The following HS2ST1 variants were observed in gnomAD, a reference collection of about 807,000 sequenced individuals.
HS2ST1 encodes heparan sulfate 2-O-sulfotransferase 1, also known as 2-O-sulfotransferase.
In HS2ST1, 18 loss-of-function variants were observed where a neutral mutation model predicts 42.9. That is an observed-to-expected ratio of 0.42 (90% confidence interval 0.29 to 0.62). The LOEUF is 0.62. Ranked by LOEUF, HS2ST1 falls within the 20% of genes least tolerant of loss-of-function variation. The pLI is 0.21. For synonymous variants in HS2ST1, 146 were observed against 152.9 expected (o/e 0.95, Z 0.33); for missense variants, 334 against 433.8 (o/e 0.77, Z 2.04).
At chr1:87,035,419 CCTGTT>C (rs934145480) in intron 1 of HS2ST1, among the ~76,000 whole-genome samples, 9 of 152,078 alleles carry the variant, frequency 5.9e-5, no homozygotes, top group Non-Finnish European at 1.3e-4. Flanking sequence ...ATAAATGAGT[CCTGTT>C]CTAAGTTACT....
chr1:87,060,775 A>G (rs967968271), intron 1 of HS2ST1, among the ~76,000 whole-genome samples: 2 of 152,186 alleles, frequency 1.3e-5, no homozygotes, highest in Non-Finnish European at 2.9e-5. Flanking sequence ...AAGTATAGCC[A>G]TAGCCAAGCT....
chr1:86,954,349 C>CA (rs1010326200), intron 1 of HS2ST1, among the ~76,000 whole-genome samples: 28 of 146,504 alleles, frequency 1.9e-4, no homozygotes, highest in East Asian at 7.9e-4. Context: ...ACTCTGTCTC[C>CA]AAAAAAAAAG....
At position 86,933,706 on chromosome 1, in the gene HS2ST1, A is replaced by ATTT. The variant is rs58580477; in HGVS notation, c.124+18561_124+18563dup. ...TTTTTTGCCTTTAGCATGCCTTGTA[A>ATTT]TTTTTTTTTTTTTTTTTGATAAGCT... On this transcript the variant is annotated intron_variant, in intron 1 of 6. Transcript: ENST00000370550. 5.2e-4 allele frequency among the ~76,000 whole-genome samples: 67 copies of ATTT among 129,204 alleles called. 1 individual carries two copies. Among genetic ancestry groups the ATTT allele is most frequent in the African/African-American group, 1.7e-3 (59 of 33,874 alleles). The allele number at this position is 129,204 out of a possible 152,430, so 84.8% of individuals were successfully genotyped here. A position where few individuals can be genotyped will look rare whatever the true frequency, so the allele number is the denominator to read the frequency against.
At position 87,104,498 on chromosome 1, in the gene HS2ST1, A is replaced by G. The variant is rs1652286155; in HGVS notation, c.873A>G (p.Thr291=). ...TGKKSHLRKT[T]EKKLPTKQTI... The stretch of plus-strand genomic sequence containing the variant: ...AGAAATCTCATCTTAGGAAAACCAC[A>G]GAGAAGAAACTCCCCACTAAACAAA... Residue 291 remains threonine, a synonymous_variant, in exon 7 of 7, where the codon ACA becomes ACG. Coordinates refer to ENST00000370550, the MANE Select transcript of HS2ST1 (RefSeq NM_012262.4). 1.9e-6 allele frequency: 3 copies of G among 1,612,580 alleles called. No homozygotes were observed. Among genetic ancestry groups the G allele is most frequent in the Non-Finnish European group, 2.5e-6 (3 of 1,178,858 alleles).
chr1:87,103,615 A>G (rs763944553), intron 6 of HS2ST1, 26 bp downstream of exon 6: 2 of 1,476,254 alleles, frequency 1.4e-6, no homozygotes, highest in Non-Finnish European at 1.8e-6. Context: ...GTTTCTTTTT[A>G]AAGCTTTCTT....
At chr1:86,980,439 C>T (rs911329428) in intron 1 of HS2ST1, among the ~76,000 whole-genome samples, 1 of 151,820 alleles carries the variant, frequency 6.6e-6, no homozygotes, top group African/African-American at 2.4e-5. Flanking sequence ...CAACAAAATG[C>T]TAACAATGGT....
chr1:87,092,476 C>G, intron 3 of HS2ST1, 55 bp from the exon 4 acceptor site: 2 of 1,367,110 alleles, frequency 1.5e-6, no homozygotes, highest in Non-Finnish European at 2.0e-6. Context: ...TTTCAGGGCA[C>G]TCCTAAACAG....
At chr1:86,974,550 C>T (rs1648336953) in intron 1 of HS2ST1, among the ~76,000 whole-genome samples, 1 of 152,134 alleles carries the variant, frequency 6.6e-6, no homozygotes, top group South Asian at 2.1e-4. Context: ...TGATTTATAA[C>T]CAATCCAAAC....
intron 1 of HS2ST1, among the ~76,000 whole-genome samples, chr1:86,976,704 G>GTATATATATATATATATATATATA (rs147039703): frequency 0.015 from 1,165 of 79,404 alleles, 120 homozygotes; most frequent in South Asian, 0.02. Flanking sequence ...TTATAAAATT[G>GTATATATATATATATATATATATA]TATATATATA....
chr1:87,103,639 T>C, intron 6 of HS2ST1, 50 bp downstream of exon 6: 1 of 1,415,644 alleles, frequency 7.1e-7, no homozygotes. Context: ...TTTGGTTTTT[T>C]GGTTTGCAAC....
At chr1:87,030,689 G>A (rs1416112413) in intron 1 of HS2ST1, among the ~76,000 whole-genome samples, 2 of 152,116 alleles carry the variant, frequency 1.3e-5, no homozygotes, top group Non-Finnish European at 2.9e-5. Context: ...TAATCCTTCA[G>A]TTAATCTAAG....
chr1:86,945,489 T>C (rs1647304143), intron 1 of HS2ST1, among the ~76,000 whole-genome samples: 1 of 152,204 alleles, frequency 6.6e-6, no homozygotes, highest in Non-Finnish European at 1.5e-5. Context: ...ACTAAATAGG[T>C]TATAAGACTC....
chr1:87,073,206 C>A, intron 2 of HS2ST1, 34 bp downstream of exon 2: 1 of 1,387,356 alleles, frequency 7.2e-7, no homozygotes, highest in South Asian at 1.2e-5. Flanking sequence ...CAAATATTTT[C>A]TAATACTTCC....
At chr1:87,075,926 A>C (rs1651532232) in intron 2 of HS2ST1, among the ~76,000 whole-genome samples, 2 of 152,186 alleles carry the variant, frequency 1.3e-5, no homozygotes, top group East Asian at 3.8e-4. Context: ...CAAAGGTTGT[A>C]CTACATTCTT....
chr1:86,950,455 A>T (rs1453878676), intron 1 of HS2ST1, among the ~76,000 whole-genome samples: 3 of 152,322 alleles, frequency 2.0e-5, no homozygotes, highest in Middle Eastern at 3.4e-3. Flanking sequence ...TGGATCCTGC[A>T]TTGGGTCTTG....
At chr1:87,076,092 G>A (rs1253384303) in intron 2 of HS2ST1, among the ~76,000 whole-genome samples, 1 of 150,566 alleles carries the variant, frequency 6.6e-6, no homozygotes, top group African/African-American at 2.5e-5. Context: ...TTAACCAAAA[G>A]TGTTCCCTAC....
chr1:87,069,619 A>AT (rs141237625), intron 1 of HS2ST1, among the ~76,000 whole-genome samples: 8 of 152,270 alleles, frequency 5.3e-5, no homozygotes, highest in East Asian at 1.9e-4. Flanking sequence ...TTTTCCATAC[A>AT]TTTTTTATCT....
At chr1:87,071,097 A>G (rs1055609226) in intron 1 of HS2ST1, among the ~76,000 whole-genome samples, 1 of 152,210 alleles carries the variant, frequency 6.6e-6, no homozygotes. Context: ...TATATAACAC[A>G]TACGTATATC....
At chr1:87,074,221 C>T (rs1023510812) in intron 2 of HS2ST1, among the ~76,000 whole-genome samples, 8 of 152,212 alleles carry the variant, frequency 5.3e-5, no homozygotes, top group Admixed American at 1.3e-4. Flanking sequence ...CCACATCTGT[C>T]GGCCAAACCA....
Sources: gnomAD v4.1 joint callset for allele counts (sites outside exome capture counted in the v4.1 genomes callset) on GRCh38, gnomAD v4.1.1 for gene constraint, MANE v1.5 for transcripts, NCBI Gene and HGNC (gene_info 2026-07-23, HGNC 2026-07-21) for gene names.